The following UBASH3B variants were observed in gnomAD, a reference collection of about 807,000 sequenced individuals.
UBASH3B encodes the protein ubiquitin-associated and SH3 domain-containing protein B.
A neutral mutation model predicts 83.4 loss-of-function variants in UBASH3B; 37 were observed. That is an observed-to-expected ratio of 0.44 (90% confidence interval 0.34 to 0.58). The LOEUF (loss-of-function observed/expected upper bound fraction) is 0.58. UBASH3B is among the 20% of genes least tolerant of loss of function. The pLI is 0.01. For missense variants in UBASH3B, 657 were observed against 827.2 expected (o/e 0.79, Z 2.52); for synonymous variants, 304 against 318.3 (o/e 0.96, Z 0.48).
chr11:122,668,732 T>C (rs1863553050), intron 1 of UBASH3B, among the ~76,000 whole-genome samples: 1 of 152,204 alleles, frequency 6.6e-6, no homozygotes, highest in African/African-American at 2.4e-5. Flanking sequence ...GATATAAAAG[T>C]AATAAAAACC....
intron 1 of UBASH3B, among the ~76,000 whole-genome samples, chr11:122,713,150 G>T (rs555014476): frequency 6.6e-5 from 10 of 151,942 alleles, no homozygotes; most frequent in African/African-American, 2.4e-4. Flanking sequence ...CTTGTGATCC[G>T]CCCACTTCGG....
At chr11:122,726,349 C>CTTTTTTT (rs11369075) in intron 1 of UBASH3B, 13 of 127,150 alleles carry the variant, frequency 1.0e-4, no homozygotes, top group African/African-American at 2.4e-4. Flanking sequence ...TCTTCTTCTT[C>CTTTTTTT]TTTTTTTTTT....
intron 1 of UBASH3B, among the ~76,000 whole-genome samples, chr11:122,707,308 T>C (rs1864133387): frequency 6.6e-6 from 1 of 152,162 alleles, no homozygotes; most frequent in South Asian, 2.1e-4. Context: ...TGCAGGCTTT[T>C]CCACTATTTT....
Position 122,742,699 on chromosome 11 carries a change from G to A in UBASH3B, c.162-33520G>A, listed in dbSNP as rs150575213. Among the ~76,000 whole-genome samples the A allele has an allele frequency of 3.1e-3, 466 of 152,324 alleles. 1 individual carries two copies. The highest frequency in any genetic ancestry group is 5.5e-3 in the Non-Finnish European group (377 of 68,030). On this transcript the variant is annotated intron_variant, in intron 1 of 13. Transcript: ENST00000284273. Reference sequence around the variant, plus strand: ...TCCCTCTCAGCTGCCTGGCATTGAGGCCATTTTCCTTTGCAAGGGCACTAC... The same window carrying A: ...TCCCTCTCAGCTGCCTGGCATTGAGACCATTTTCCTTTGCAAGGGCACTAC...
At chr11:122,700,197 A>G (rs1321730505) in intron 1 of UBASH3B, among the ~76,000 whole-genome samples, 1 of 152,182 alleles carries the variant, frequency 6.6e-6, no homozygotes, top group African/African-American at 2.4e-5. Flanking sequence ...GTCTCTTATG[A>G]TTAGGTAGAG....
chr11:122,728,036 C>T (rs1860774482), intron 1 of UBASH3B, among the ~76,000 whole-genome samples: 1 of 151,840 alleles, frequency 6.6e-6, no homozygotes, highest in African/African-American at 2.4e-5. Context: ...ATGAGGTCTC[C>T]TGTGTTGCCC....
intron 6 of UBASH3B, among the ~76,000 whole-genome samples, chr11:122,791,889 C>T (rs375135119): frequency 6.6e-6 from 1 of 152,190 alleles, no homozygotes; most frequent in Non-Finnish European, 1.5e-5. Context: ...AGTTATGAAC[C>T]AAGACAAGTT....
At chr11:122,803,049 C>T (rs1229133212) in intron 11 of UBASH3B, among the ~76,000 whole-genome samples, 1 of 152,192 alleles carries the variant, frequency 6.6e-6, no homozygotes, top group East Asian at 1.9e-4. Context: ...ATACACACCC[C>T]ACCAGCAGTG....
At chr11:122,666,878 A>C (rs1863526963) in intron 1 of UBASH3B, among the ~76,000 whole-genome samples, 2 of 145,884 alleles carry the variant, frequency 1.4e-5, no homozygotes, top group South Asian at 2.2e-4. Context: ...CTCCTCTCTC[A>C]CTCTCCTCAT....
chr11:122,687,370 A>G (rs1225956775), intron 1 of UBASH3B, among the ~76,000 whole-genome samples: 1 of 152,166 alleles, frequency 6.6e-6, no homozygotes, highest in Non-Finnish European at 1.5e-5. Flanking sequence ...AGCAGTGATG[A>G]CTGATGAAAT....
At chr11:122,720,981 C>T (rs1237773910) in intron 1 of UBASH3B, among the ~76,000 whole-genome samples, 2 of 151,824 alleles carry the variant, frequency 1.3e-5, no homozygotes, top group African/African-American at 4.8e-5. Context: ...CGCGGTGGCT[C>T]ACGCCTGTAA....
chr11:122,686,969 G>A (rs1210483944), intron 1 of UBASH3B, among the ~76,000 whole-genome samples: 1 of 152,004 alleles, frequency 6.6e-6, no homozygotes, highest in Non-Finnish European at 1.5e-5. Flanking sequence ...CCAGGTTCAA[G>A]TGATTCTCCT....
At chr11:122,787,423 C>A (rs1267167883) in intron 5 of UBASH3B, among the ~76,000 whole-genome samples, 1 of 152,112 alleles carries the variant, frequency 6.6e-6, no homozygotes, top group South Asian at 2.1e-4. Context: ...CAAACAGGTG[C>A]CCTACATAAA....
At chr11:122,777,965 A>G (rs2135142762) in intron 3 of UBASH3B, among the ~76,000 whole-genome samples, 1 of 152,092 alleles carries the variant, frequency 6.6e-6, no homozygotes, top group Non-Finnish European at 1.5e-5. Context: ...CTTCACCTCA[A>G]GTGATCCGCC....
In UBASH3B at chr11:122,810,960, A is replaced by G. The variant is rs1313351955; in HGVS notation, c.*1074A>G. The stretch of plus-strand genomic sequence containing the variant: ...ATCAATTATACCAGGGATGTATAGT[A>G]AGTCAGGGAACTAATATAAATGATG... On this transcript the variant is annotated 3_prime_UTR_variant, in exon 14 of 14. Transcript: ENST00000284273. 1 of 152,234 alleles carries G rather than the reference A, an allele frequency of 6.6e-6. No homozygotes were observed. Among genetic ancestry groups the G allele is most frequent in the Non-Finnish European group, 1.5e-5 (1 of 68,030 alleles). 9.4% of individuals were successfully genotyped at this position (152,234 alleles called of 1,614,324 possible). A position where few individuals can be genotyped will look rare whatever the true frequency, so the allele number is the denominator to read the frequency against.
chr11:122,693,303 G>C (rs1437677637), intron 1 of UBASH3B, among the ~76,000 whole-genome samples: 4 of 152,130 alleles, frequency 2.6e-5, no homozygotes, highest in Non-Finnish European at 5.9e-5. Flanking sequence ...GGATGTATAC[G>C]TGCAGGTCAC....
intron 1 of UBASH3B, among the ~76,000 whole-genome samples, chr11:122,712,498 A>G (rs1864208825): frequency 1.3e-5 from 2 of 152,100 alleles, no homozygotes; most frequent in Non-Finnish European, 1.5e-5. Flanking sequence ...GCTTGCTTCC[A>G]TCCTGGCCCT....
intron 10 of UBASH3B, 144 bp from the exon 11 acceptor site, chr11:122,801,044 C>A: frequency 2.0e-6 from 2 of 1,012,086 alleles, no homozygotes; most frequent in Non-Finnish European, 2.8e-6. Flanking sequence ...AAAACCTTGT[C>A]CAAATCCACA....
At chr11:122,660,283 TGCGCTCGTGTGC>T in intron 1 of UBASH3B, among the ~76,000 whole-genome samples, 1 of 152,254 alleles carries the variant, frequency 6.6e-6, no homozygotes, top group Admixed American at 6.5e-5. Flanking sequence ...TGTGTGCGTG[TGCGCTCGTGTGC>T]AAGTCCAAGT....
Sources: gnomAD v4.1 joint callset for allele counts (sites outside exome capture counted in the v4.1 genomes callset) on GRCh38, gnomAD v4.1.1 for gene constraint, MANE v1.5 for transcripts, NCBI Gene and HGNC (gene_info 2026-07-23, HGNC 2026-07-21) for gene names.